ABHD2: variants seen among roughly 807,000 people sequenced by gnomAD.
The protein encoded by ABHD2 is monoacylglycerol lipase ABHD2.
Under a neutral mutation model 48.1 loss-of-function variants are expected in ABHD2, and 20 were observed. The ratio of observed to expected loss-of-function variants is 0.42; its 90% CI spans 0.29 to 0.60. The LOEUF is 0.60. Ranked by LOEUF, ABHD2 falls within the 20% of genes least tolerant of loss-of-function variation. ABHD2 has a pLI of 0.24. For synonymous variants in ABHD2, 209 were observed against 214.2 expected (o/e 0.98, Z 0.21); for missense variants, 405 against 550.9 (o/e 0.74, Z 2.65).
chr15:89,190,380 T>C (rs1375374312), intron 8 of ABHD2, among the ~76,000 whole-genome samples: 1 of 152,242 alleles, frequency 6.6e-6, no homozygotes, highest in Non-Finnish European at 1.5e-5. Flanking sequence ...TTATCTCTAT[T>C]GCTCTGTAGT....
At chr15:89,083,078 C>T (rs1404806984), upstream of ABHD2, among the ~76,000 whole-genome samples, 5 of 152,212 alleles carry the variant, frequency 3.3e-5, no homozygotes, top group African/African-American at 1.2e-4. The surrounding 1 kb of genome is among the most constrained non-coding windows in gnomAD (Gnocchi z 5.1). Flanking sequence ...TGGTCTCGAG[C>T]TCCTGACCTC....
the ABHD2 span, among the ~76,000 whole-genome samples, chr15:89,055,241 G>C: frequency 6.6e-6 from 1 of 151,094 alleles, no homozygotes; most frequent in Non-Finnish European, 1.5e-5. Context: ...AATTTAGTTT[G>C]TGTCCAGTTT....
At chr15:89,153,810 C>T (rs1286254169) in intron 4 of ABHD2, among the ~76,000 whole-genome samples, 1 of 152,138 alleles carries the variant, frequency 6.6e-6, no homozygotes, top group African/African-American at 2.4e-5. Flanking sequence ...CATTTTCTTA[C>T]AGTTCTATGC....
In ABHD2 at chr15:89,182,204, C is replaced by A. The variant is rs2051125543; in HGVS notation, c.723-3220C>A. ...CTCTTCTCATTTGTGATTATCACTT[C>A]TTGAGAGTTTTGCAACTTTCAGAAA... is the stretch of plus-strand genomic sequence containing the variant. On this transcript the variant is annotated intron_variant, in intron 6 of 10. Coordinates refer to ENST00000352732, the MANE Select transcript of ABHD2 (RefSeq NM_152924.5). This position sits in a 1 kb window ranked among gnomAD's most constrained non-coding sequence, Gnocchi z 4.8. Among the ~76,000 whole-genome samples the A allele has an allele frequency of 6.6e-6, 1 of 152,208 alleles. No homozygotes were observed. The highest frequency in any genetic ancestry group is 2.1e-4 in the South Asian group (1 of 4,830).
Position 89,184,638 on chromosome 15 carries a change from G to A in ABHD2, c.723-786G>A, listed in dbSNP as rs1460060117. On this transcript the variant is annotated intron_variant, in intron 6 of 10. Transcript: ENST00000352732. The surrounding 1 kb of genome is among the most constrained non-coding windows in gnomAD (Gnocchi z 5.1). ...TGGACATCTGGCTGGGGAAGCACATGGCCAGGGCTGGTGGTGCTGTCTCCT... is the reference window on the plus strand; with the variant it reads ...TGGACATCTGGCTGGGGAAGCACATAGCCAGGGCTGGTGGTGCTGTCTCCT... Among the ~76,000 whole-genome samples the A allele has an allele frequency of 1.3e-5, 2 of 152,200 alleles. No individual in the cohort carries two copies. The highest frequency in any genetic ancestry group is 4.8e-5 in the African/African-American group (2 of 41,442).
At chr15:89,183,195 CTGTTTGTT>C (rs376607261) in intron 6 of ABHD2, 1 of 151,550 alleles carries the variant, frequency 6.6e-6, no homozygotes, top group African/African-American at 2.4e-5. Flanking sequence ...CATGGAAGTG[CTGTTTGTT>C]TGTTTGTTTG....
Position 89,195,403 on chromosome 15 carries a change from G to T in ABHD2, c.1258G>T (p.Val420Leu). The change falls in exon 11 of 11, where the codon GTG (valine) becomes TTG (leucine). Residue 420 changes from valine (V) to leucine (L), a missense_variant. By Grantham distance (32) the Val-to-Leu change is conservative. Coordinates refer to ENST00000352732, the MANE Select transcript of ABHD2 (RefSeq NM_152924.5). The surrounding 1 kb of genome is among the most constrained non-coding windows in gnomAD (Gnocchi z 5.1). The part of the protein sequence containing the change: ...NKLQCSDTEQ[V>L]EADLE ...GTTGCAGTGCTCTGACACGGAGCAG[G>T]TGGAGGCCGACCTGGAGTGAGGCCT... 6.2e-7 allele frequency: 1 copy of T among 1,613,920 alleles called. No homozygotes were observed. The highest frequency in any genetic ancestry group is 1.1e-5 in the South Asian group (1 of 91,086).
At position 89,167,161 on chromosome 15, in the gene ABHD2, T is replaced by C. The variant is rs1488330028; in HGVS notation, c.539-8651T>C. 6.6e-6 allele frequency among the ~76,000 whole-genome samples: 1 copy of C among 152,176 alleles called. No individual in the cohort carries two copies. The highest frequency in any genetic ancestry group is 1.5e-5 in the Non-Finnish European group (1 of 68,030). On this transcript the variant is annotated intron_variant, in intron 5 of 10. Transcript: ENST00000352732. The surrounding 1 kb of genome is among the most constrained non-coding windows in gnomAD (Gnocchi z 5.5). ...TGATTTTTAAGGAACTTCTATTTTG[T>C]TTTTACTGCTTAATATCTTACAATC...
chr15:89,144,979 G>A (rs1031811417), intron 3 of ABHD2, among the ~76,000 whole-genome samples: 5 of 152,086 alleles, frequency 3.3e-5, no homozygotes, highest in Non-Finnish European at 5.9e-5. Flanking sequence ...CCAGTAGGCC[G>A]GGCACAGTGG....
intron 3 of ABHD2, among the ~76,000 whole-genome samples, chr15:89,135,329 A>T (rs955242846): frequency 8.6e-5 from 13 of 151,790 alleles, no homozygotes; most frequent in Non-Finnish European, 1.9e-4. Context: ...ATACTGTACT[A>T]GGCAAGGTTG....
At position 89,127,716 on chromosome 15, in the gene ABHD2, TATACAC is replaced by T. The variant is rs1315818747; in HGVS notation, c.194+11199_194+11204del. ...GAATATATATATATACATATATATA[TATACAC>T]ATATATATATATATATATGTATATT... On this transcript the variant is annotated intron_variant, in intron 3 of 10. Coordinates refer to ENST00000352732, the MANE Select transcript of ABHD2 (RefSeq NM_152924.5). Among the ~76,000 whole-genome samples the T allele has an allele frequency of 7.1e-5, 6 of 84,980 alleles. 1 individual carries two copies. Among genetic ancestry groups the T allele is most frequent in the African/African-American group, 3.2e-4 (5 of 15,768 alleles). 55.8% of individuals were successfully genotyped at this position (84,980 alleles called of 152,430 possible).
At chr15:89,042,416 C>T in the ABHD2 span, among the ~76,000 whole-genome samples, 9 of 152,072 alleles carry the variant, frequency 5.9e-5, no homozygotes, top group Admixed American at 3.3e-4. Flanking sequence ...CCAAGTACAC[C>T]CTCTCTGCTC....
At chr15:89,072,696 C>T in the ABHD2 span, among the ~76,000 whole-genome samples, 6 of 152,270 alleles carry the variant, frequency 3.9e-5, no homozygotes, top group Non-Finnish European at 7.4e-5. Flanking sequence ...CTGACTGAGG[C>T]AGCTCTACAT....
chr15:89,078,405 T>A, the ABHD2 span, among the ~76,000 whole-genome samples: 1 of 152,236 alleles, frequency 6.6e-6, no homozygotes, highest in Non-Finnish European at 1.5e-5. Flanking sequence ...AGGGAAAAAT[T>A]AAGCTTGGAA....
chr15:89,053,370 G>A, the ABHD2 span, among the ~76,000 whole-genome samples: 2,602 of 152,258 alleles, frequency 0.017, 70 homozygotes, highest in African/African-American at 0.059. Flanking sequence ...AGGTATTAGA[G>A]TACGGCAGTA....
rs768033465 is a variant in ABHD2 at position 89,185,391 on chromosome 15, C to T, written c.723-33C>T. 39 of 1,596,732 alleles carry T rather than the reference C, an allele frequency of 2.4e-5. No homozygotes were observed. Among genetic ancestry groups the T allele is most frequent in the Middle Eastern group, 1.7e-4 (1 of 6,014 alleles). On this transcript the variant is annotated intron_variant, in intron 6 of 10. Coordinates refer to ENST00000352732, the MANE Select transcript of ABHD2 (RefSeq NM_152924.5). This position sits in a 1 kb window ranked among gnomAD's most constrained non-coding sequence, Gnocchi z 5.9. Reference sequence around the variant, plus strand: ...TGGCTGCCCGCCTGCACCCCCACACCGCAGTCACCCTCACTCGCTGTGGTT... The same window carrying T: ...TGGCTGCCCGCCTGCACCCCCACACTGCAGTCACCCTCACTCGCTGTGGTT...
intron 2 of ABHD2, among the ~76,000 whole-genome samples, chr15:89,115,800 G>A (rs2049950545): frequency 6.6e-6 from 1 of 152,088 alleles, no homozygotes; most frequent in Non-Finnish European, 1.5e-5. Context: ...AAGCCAGCAG[G>A]CAGTACAACC....
intron 2 of ABHD2, among the ~76,000 whole-genome samples, chr15:89,115,291 C>T (rs987697671): frequency 3.2e-4 from 48 of 151,710 alleles, no homozygotes; most frequent in African/African-American, 9.9e-4. Flanking sequence ...GTTTTTCTGC[C>T]GAGCAGCAAG....
the ABHD2 span, among the ~76,000 whole-genome samples, chr15:89,047,247 C>G: frequency 6.6e-6 from 1 of 151,878 alleles, no homozygotes; most frequent in South Asian, 2.1e-4. Context: ...TTTGATTGCA[C>G]TGTGGTCTGA....
Sources: allele counts gnomAD v4.1 joint callset (sites outside exome capture counted in the v4.1 genomes callset), GRCh38; gene constraint gnomAD v4.1.1; non-coding constraint Gnocchi (gnomAD v3.1); transcripts MANE v1.5; gene names NCBI Gene and HGNC (gene_info 2026-07-23, HGNC 2026-07-21).